CYP2A13: variants seen among roughly 807,000 people sequenced by gnomAD.
CYP2A13 encodes cytochrome P450 family 2 subfamily A member 13.
A neutral mutation model predicts 39.4 loss-of-function variants in CYP2A13; 30 were observed. That is an observed-to-expected ratio of 0.76 (90% CI 0.57 to 1.03). The LOEUF (loss-of-function observed/expected upper bound fraction) is 1.03. Ranked by LOEUF, CYP2A13 falls within the 50% of genes least tolerant of loss-of-function variation. The pLI is 0.00. For missense variants in CYP2A13, 731 were observed against 648.4 expected (o/e 1.13, Z -1.38); for synonymous variants, 269 against 254.7 (o/e 1.06, Z -0.54).
intron 5 of CYP2A13, 43 bp downstream of exon 5, chr19:41,091,951 G>C: frequency 1.2e-6 from 2 of 1,606,724 alleles, no homozygotes; most frequent in East Asian, 2.2e-5. Flanking sequence ...AAGCCAGGGA[G>C]AGGGAAATCA....
rs553493925 is a variant in CYP2A13, at chr19:41,091,487, G to C, written c.655-245G>C. Among the ~76,000 whole-genome samples, 8 of 152,256 alleles carry C rather than the reference G, an allele frequency of 5.3e-5. No homozygotes were observed. In the South Asian group the frequency reaches 1.7e-3, roughly 32 times the overall value. On this transcript the variant is annotated intron_variant, in intron 4 of 8. Coordinates refer to ENST00000330436, the MANE Select transcript of CYP2A13 (RefSeq NM_000766.5). ...TGTGTGCTCCAATCCAGCCTCATTT[G>C]CATACCTGAAACCTGGATATATGCC...
At position 41,088,983 on chromosome 19, in the gene CYP2A13, G is replaced by A. The variant is rs1312821957; in HGVS notation, c.235G>A (p.Val79Met). Residue 79 changes from valine to methionine, a missense_variant, in exon 2 of 9, where the codon GTG (valine) becomes ATG (methionine). Val to Met is a conservative substitution (Grantham distance 21). Transcript: ENST00000330436. Reference protein sequence around the residue: ...FTIHLGPRRVVVLCGHDAVKE... With the variant: ...FTIHLGPRRVMVLCGHDAVKE... The stretch of plus-strand genomic sequence containing the variant: ...CATTCACTTGGGGCCCCGGCGGGTC[G>A]TGGTGCTGTGCGGACATGATGCCGT... The A allele has an allele frequency of 1.1e-5, 17 of 1,613,834 alleles. No homozygotes were observed. The highest frequency in any genetic ancestry group is 1.4e-5 in the Non-Finnish European group (17 of 1,179,890).
rs765581200 is a variant in CYP2A13, at chr19:41,088,618, GAACACA to G, written c.148_153del (p.Asn50_Thr51del). On this transcript the variant is annotated inframe_deletion, in exon 1 of 9. Coordinates refer to ENST00000330436, the MANE Select transcript of CYP2A13 (RefSeq NM_000766.5). ...CCTTCATTGGAAACTACCTGCAGCT[GAACACA>G]GAGCAGATGTACAACTCCCTCATGA... is the stretch of plus-strand genomic sequence containing the variant. 9 of 1,613,880 alleles carry G rather than the reference GAACACA, an allele frequency of 5.6e-6. No homozygotes were observed. In the South Asian group the frequency reaches 9.9e-5, roughly 18 times the overall value.
rs1476036383 is a variant in CYP2A13, at chr19:41,094,414, G to A, written c.1143G>A (p.Arg381=). 1 of 1,613,860 alleles carries A rather than the reference G, an allele frequency of 6.2e-7. No homozygotes were observed. Among genetic ancestry groups the A allele is most frequent in the African/African-American group, 1.3e-5 (1 of 74,836 alleles). ...GGGTCAACAAGGACACCAAGTTTCG[G>A]GATTTCTTCCTCCCTAAGGTGCTGT... is the stretch of plus-strand genomic sequence containing the variant. ...AHRVNKDTKF[R]DFFLPKGTEV... is the part of the protein sequence containing the mutation. The change falls in exon 7 of 9, where the codon CGG becomes CGA. Residue 381 remains arginine, a synonymous_variant. Transcript: ENST00000330436.
At chr19:41,094,856 A>C in intron 7 of CYP2A13, 103 bp from the exon 8 acceptor site, 2 of 1,342,630 alleles carry the variant, frequency 1.5e-6, no homozygotes, top group Non-Finnish European at 2.1e-6. Flanking sequence ...CATGCCTGCC[A>C]CTCCCCTCAC....
At chr19:41,092,312 TAAAAAAAAAAAAAAA>T (rs529985444) in intron 5 of CYP2A13, among the ~76,000 whole-genome samples, 3 of 53,782 alleles carry the variant, frequency 5.6e-5, no homozygotes, top group South Asian at 1.6e-3. Flanking sequence ...CAAGACCCTG[TAAAAAAAAAAAAAAA>T]AAAAAAAAAA....
chr19:41,094,132 T>C, intron 6 of CYP2A13, 113 bp from the exon 7 acceptor site: 2 of 1,481,822 alleles, frequency 1.3e-6, no homozygotes, highest in Non-Finnish European at 9.1e-7. Context: ...TTATGAATGG[T>C]CTACCTCCGT....
chr19:41,091,309 T>C (rs1378989447), intron 4 of CYP2A13, among the ~76,000 whole-genome samples: 6 of 152,152 alleles, frequency 3.9e-5, no homozygotes, highest in Non-Finnish European at 8.8e-5. Context: ...CCAGACCCAG[T>C]AAGTATCTGG....
rs1466493290 is a variant in CYP2A13, at chr19:41,089,091, G to C, written c.343G>C (p.Gly115Arg). The C allele has an allele frequency of 6.2e-7, 1 of 1,612,046 alleles. No individual in the cohort carries two copies. The highest frequency in any genetic ancestry group is 1.7e-5 in the Admixed American group (1 of 59,992). Residue 115 changes from glycine to arginine, a missense_variant and splice_region_variant, in exon 2 of 9, where the codon GGC becomes CGC. Coordinates refer to ENST00000330436, the MANE Select transcript of CYP2A13 (RefSeq NM_000766.5). Reference protein sequence around the residue: ...ATFDWLFKGYGVAFSNGERAK... With the variant: ...ATFDWLFKGYRVAFSNGERAK... ...CTTCGACTGGCTCTTCAAAGGCTAT[G>C]GTGAGGGGGTGCCCAAGAGGGGGAA...
intron 4 of CYP2A13, among the ~76,000 whole-genome samples, chr19:41,091,260 C>G (rs2144725457): frequency 6.6e-6 from 1 of 152,290 alleles, no homozygotes; most frequent in East Asian, 1.9e-4. Flanking sequence ...TTCACCAGCC[C>G]CACTTTAATA....
rs924003454 is a variant in CYP2A13, at chr19:41,090,652, C to G, written c.654+88C>G. ...GAGACAGGTGCCCCAAACTCCCACC[C>G]CCCTCCAGACAGTGTCCCCTCAAAA... is the stretch of plus-strand genomic sequence containing the variant. On this transcript the variant is annotated intron_variant, in intron 4 of 8. Coordinates refer to ENST00000330436, the MANE Select transcript of CYP2A13 (RefSeq NM_000766.5). 63 of 1,586,054 alleles carry G rather than the reference C, an allele frequency of 4.0e-5. 1 individual carries two copies. Among genetic ancestry groups the G allele is most frequent in the East Asian group, 1.8e-4 (8 of 44,702 alleles).
intron 2 of CYP2A13, 103 bp downstream of exon 2, chr19:41,089,194 A>G: frequency 6.4e-7 from 1 of 1,555,858 alleles, no homozygotes; most frequent in South Asian, 1.2e-5. Flanking sequence ...GCTATGGCAG[A>G]GCCCCCTGTC....
Position 41,095,848 on chromosome 19 carries a change from CCCTCAGTCG to C in CYP2A13, c.1396_1404del (p.Gln466_Pro468del). On this transcript the variant is annotated inframe_deletion, in exon 9 of 9. Transcript: ENST00000330436. The stretch of plus-strand genomic sequence containing the variant: ...TCATGCAGAACTTTCGCTTCAAGTC[CCCTCAGTCG>C]CCTAAGGATATCGACGTGTCCCCCA... The C allele has an allele frequency of 1.2e-6, 2 of 1,614,056 alleles. No individual in the cohort carries two copies. The highest frequency in any genetic ancestry group is 4.5e-5 in the East Asian group (2 of 44,868).
At position 41,089,006 on chromosome 19, in the gene CYP2A13, C is replaced by G. The variant is rs764321858; in HGVS notation, c.258C>G (p.Ala86=). ...RRVVVLCGHD[A]VKEALVDQAE... ...TCGTGGTGCTGTGCGGACATGATGCCGTCAAGGAGGCTCTGGTGGACCAGG... is the reference window on the plus strand; with the variant it reads ...TCGTGGTGCTGTGCGGACATGATGCGGTCAAGGAGGCTCTGGTGGACCAGG... Residue 86 remains alanine (A), a synonymous_variant, in exon 2 of 9, where the codon GCC becomes GCG. Transcript: ENST00000330436. 51 of 1,613,842 alleles carry G rather than the reference C, an allele frequency of 3.2e-5. No individual in the cohort carries two copies. The highest frequency in any genetic ancestry group is 4.2e-5 in the Non-Finnish European group (49 of 1,179,848).
Position 41,091,776 on chromosome 19 carries a change from A to G in CYP2A13, c.699A>G (p.Pro233=). 6.2e-7 allele frequency: 1 copy of G among 1,614,064 alleles called. No homozygotes were observed. Among genetic ancestry groups the G allele is most frequent in the Non-Finnish European group, 8.5e-7 (1 of 1,179,932 alleles). The change falls in exon 5 of 9, where the codon CCA becomes CCG. Residue 233 remains proline (P), a synonymous_variant. Coordinates refer to ENST00000330436, the MANE Select transcript of CYP2A13 (RefSeq NM_000766.5). Reference sequence around the variant, plus strand: ...CGGTGATGAAACACCTGCCAGGACCACAGCAACAGGCCTTTAAGGAGCTGC... The same window carrying G: ...CGGTGATGAAACACCTGCCAGGACCGCAGCAACAGGCCTTTAAGGAGCTGC... The part of the protein sequence containing the change: ...FSSVMKHLPG[P]QQQAFKELQG...
In CYP2A13 at chr19:41,090,416, A is replaced by T. The variant is rs1178848028; in HGVS notation, c.506A>T (p.Asp169Val). 3 of 1,614,018 alleles carry T rather than the reference A, an allele frequency of 1.9e-6. No homozygotes were observed. Among genetic ancestry groups the T allele is most frequent in the Non-Finnish European group, 2.5e-6 (3 of 1,180,012 alleles). Residue 169 changes from aspartate to valine, a missense_variant, in exon 4 of 9, where the codon GAT (aspartate) becomes GTT (valine). Asp to Val is a radical substitution (Grantham distance 152, BLOSUM62 -3). Transcript: ENST00000330436. The part of the protein sequence containing the change: ...ALRGTHGANI[D>V]PTFFLSRTVS... ...GCCACACCTGCAGGCGCCAATATCG[A>T]TCCCACCTTCTTCCTGAGCCGCACA...
intron 5 of CYP2A13, 24 bp downstream of exon 5, chr19:41,091,932 G>A: frequency 6.2e-7 from 1 of 1,612,366 alleles, no homozygotes; most frequent in South Asian, 1.1e-5. Context: ...GCCAGTGCAG[G>A]CAGGTGCAAA....
chr19:41,088,719 G>C (rs1273290398), intron 1 of CYP2A13, 68 bp downstream of exon 1: 25 of 1,577,188 alleles, frequency 1.6e-5, no homozygotes, highest in Non-Finnish European at 2.1e-5. Flanking sequence ...CTTTGTGGCA[G>C]GGGATTGACC....
intron 8 of CYP2A13, 40 bp downstream of exon 8, chr19:41,095,140 C>A (rs749481248): frequency 6.2e-7 from 1 of 1,613,938 alleles, no homozygotes; most frequent in African/African-American, 1.3e-5. Context: ...CGGCTCACAC[C>A]AGCAGGGGCC....
Sources: gnomAD v4.1 joint callset for allele counts (sites outside exome capture counted in the v4.1 genomes callset) on GRCh38, gnomAD v4.1.1 for gene constraint, MANE v1.5 for transcripts, NCBI Gene and HGNC (gene_info 2026-07-23, HGNC 2026-07-21) for gene names.